PSMF1: variants seen among roughly 807,000 people sequenced by gnomAD.
PSMF1 encodes the protein proteasome inhibitor PI31 subunit.
A neutral mutation model predicts 29.3 loss-of-function variants in PSMF1; 30 were observed. That is an observed-to-expected ratio of 1.02 (90% CI 0.77 to 1.39). PSMF1 has a LOEUF of 1.39. Ranked by LOEUF, PSMF1 falls within the 40% of genes most tolerant of loss-of-function variation. The probability of loss-of-function intolerance (pLI) is 0.00; values close to 1 mark genes in which losing one functional copy is unlikely to be tolerated. For missense variants in PSMF1, 344 were observed against 357.5 expected, an observed-to-expected ratio of 0.96 and a Z score of 0.31; for synonymous variants, 134 against 139.7, an observed-to-expected ratio of 0.96 and a Z score of 0.29.
Position 1,127,472 on chromosome 20 carries a change from A to C in PSMF1, c.329A>C (p.Asp110Ala). Residue 110 changes from aspartate to alanine, a missense_variant, in exon 3 of 7, where the codon GAT (aspartate) becomes GCT (alanine). Transcript: ENST00000335877. ...QVADLTLNLD[D>A]YIDAEHLGDF... Reference sequence around the variant, plus strand: ...GCAGACTTGACCCTGAACTTGGATGATTATATCGATGCAGAACACCTGGGT... The same window carrying C: ...GCAGACTTGACCCTGAACTTGGATGCTTATATCGATGCAGAACACCTGGGT... 1.2e-6 allele frequency: 2 copies of C among 1,608,936 alleles called. No individual in the cohort carries two copies. Among genetic ancestry groups the C allele is most frequent in the African/African-American group, 2.7e-5 (2 of 74,960 alleles).
chr20:1,161,052 TCACA>T (rs1230432509), intron 4 of PSMF1: 5 of 434,308 alleles, frequency 1.2e-5, no homozygotes, highest in Non-Finnish European at 2.1e-5. Context: ...GGAGACGGAG[TCACA>T]CACACGGTGC....
In PSMF1 at chr20:1,170,421, A is replaced by G. The variant is rs1487929131; in HGVS notation, c.*5341A>G. On this transcript the variant is annotated 3_prime_UTR_variant, in exon 7 of 7. Coordinates refer to ENST00000335877, the MANE Select transcript of PSMF1 (RefSeq NM_006814.5). ...TGATTTTACCCCCAGTATCCACTCC[A>G]TTCCTTTGCCCCCATGGGTCACTTA... Among the ~76,000 whole-genome samples the G allele has an allele frequency of 6.6e-6, 1 of 152,184 alleles. No individual in the cohort carries two copies. Among genetic ancestry groups the G allele is most frequent in the Non-Finnish European group, 1.5e-5 (1 of 68,026 alleles).
intron 1 of PSMF1, among the ~76,000 whole-genome samples, chr20:1,119,819 G>A (rs2086062849): frequency 6.6e-6 from 1 of 152,130 alleles, no homozygotes; most frequent in South Asian, 2.1e-4. Context: ...CTCCATGCCT[G>A]CCCCTCACTG....
Position 1,164,540 on chromosome 20 carries a change from C to T in PSMF1, c.764+64C>T. On this transcript the variant is annotated intron_variant, in intron 6 of 6. Coordinates refer to ENST00000335877, the MANE Select transcript of PSMF1 (RefSeq NM_006814.5). This position sits in a 1 kb window ranked among gnomAD's most constrained non-coding sequence, Gnocchi z 4.1. ...ATGGCAGCTTGGTTCAGTGTGGCAG[C>T]AATGAAGGTTTCTAGCCCCAGGCAC... The T allele has an allele frequency of 6.3e-7, 1 of 1,586,446 alleles. No individual in the cohort carries two copies. The highest frequency in any genetic ancestry group is 8.6e-7 in the Non-Finnish European group (1 of 1,158,970).
At chr20:1,127,202 C>A in intron 2 of PSMF1, 2 of 701,412 alleles carry the variant, frequency 2.9e-6, no homozygotes, top group Admixed American at 4.0e-5. Context: ...TGCAAAAGAG[C>A]CTGGGAAGTA....
rs62186929 is a variant in PSMF1 at position 1,164,792 on chromosome 20, G to C, written c.765-237G>C. Among the ~76,000 whole-genome samples the C allele has an allele frequency of 0.032, 4,829 of 152,286 alleles. 115 individuals are homozygous for C. The highest frequency in any genetic ancestry group is 0.068 in the Middle Eastern group (20 of 294). ...TTTCTTCAGCAGTCTTGGGTAGATG[G>C]TGGCGTCTACATTTTATAGATGCAG... On this transcript the variant is annotated intron_variant, in intron 6 of 6. Transcript: ENST00000335877. The surrounding 1 kb of genome is among the most constrained non-coding windows in gnomAD (Gnocchi z 4.1).
In PSMF1 at chr20:1,163,484, C is replaced by T. The variant is rs1028344211; in HGVS notation, c.605+301C>T. Among the ~76,000 whole-genome samples, 17 of 152,274 alleles carry T rather than the reference C, an allele frequency of 1.1e-4. No homozygotes were observed. Among genetic ancestry groups the T allele is most frequent in the African/African-American group, 4.1e-4 (17 of 41,556 alleles). Reference sequence around the variant, plus strand: ...TGTATAGTGAGGAGCACATGGTGGGCCTTAGGGCAGCTCAGGGCTATTCAG... The same window carrying T: ...TGTATAGTGAGGAGCACATGGTGGGTCTTAGGGCAGCTCAGGGCTATTCAG... On this transcript the variant is annotated intron_variant, in intron 5 of 6. Coordinates refer to ENST00000335877, the MANE Select transcript of PSMF1 (RefSeq NM_006814.5). The surrounding 1 kb of genome is among the most constrained non-coding windows in gnomAD (Gnocchi z 6.1).
chr20:1,151,781 G>A (rs1048746719), intron 4 of PSMF1, among the ~76,000 whole-genome samples: 5 of 152,246 alleles, frequency 3.3e-5, no homozygotes. Context: ...TTTTCAGAGA[G>A]ATGATGCCTG....
intron 3 of PSMF1, among the ~76,000 whole-genome samples, chr20:1,133,107 G>A (rs1480068830): frequency 6.6e-6 from 1 of 150,604 alleles, no homozygotes; most frequent in African/African-American, 2.4e-5. Context: ...TGGTCAGGAT[G>A]TCCAATATTA....
In PSMF1 at chr20:1,165,685, C is replaced by A. The variant is rs2086720992; in HGVS notation, c.*605C>A. The A allele has an allele frequency of 3.0e-6, 3 of 999,036 alleles. No individual in the cohort carries two copies. In the South Asian group the frequency reaches 1.3e-4, roughly 44 times the overall value. 61.9% of individuals were successfully genotyped at this position (999,036 alleles called of 1,614,324 possible). ...TGAATGGAAATGAGTGACTGGAAAT[C>A]CCATAGGCCACAAGAATGACTTTCA... On this transcript the variant is annotated 3_prime_UTR_variant, in exon 7 of 7. Transcript: ENST00000335877.
intron 4 of PSMF1, among the ~76,000 whole-genome samples, chr20:1,146,815 A>G (rs1267274868): frequency 2.6e-5 from 4 of 152,142 alleles, no homozygotes; most frequent in Non-Finnish European, 5.9e-5. Flanking sequence ...AGCTGTGTCA[A>G]AGGTTTTGTA....
intron 4 of PSMF1, among the ~76,000 whole-genome samples, chr20:1,146,653 C>T (rs555289389): frequency 1.3e-5 from 2 of 152,258 alleles, no homozygotes; most frequent in Admixed American, 6.5e-5. Context: ...CCTCTCCCCC[C>T]ACGTCAAGGA....
Position 1,166,453 on chromosome 20 carries a change from G to C in PSMF1, c.*1373G>C. On this transcript the variant is annotated 3_prime_UTR_variant, in exon 7 of 7. Transcript: ENST00000335877. ...GTAAGCAAGCTACTGTAGCTCTTCT[G>C]AGGTATCTGCCAGGCTGTTTTCTGT... 3.2e-6 allele frequency: 2 copies of C among 634,890 alleles called. No homozygotes were observed. The highest frequency in any genetic ancestry group is 2.8e-6 in the Non-Finnish European group (1 of 359,424). 39.3% of individuals were successfully genotyped at this position (634,890 alleles called of 1,614,324 possible). A position where few individuals can be genotyped will look rare whatever the true frequency, so the allele number is the denominator to read the frequency against.
intron 1 of PSMF1, among the ~76,000 whole-genome samples, chr20:1,119,253 T>A (rs1374290136): frequency 6.6e-6 from 1 of 152,148 alleles, no homozygotes; most frequent in East Asian, 1.9e-4. Flanking sequence ...CTCACCCACC[T>A]GATCCCGTCT....
intron 4 of PSMF1, among the ~76,000 whole-genome samples, chr20:1,160,208 C>T (rs1413033599): frequency 1.3e-5 from 2 of 152,056 alleles, no homozygotes; most frequent in East Asian, 3.9e-4. Flanking sequence ...ACCCTGCATA[C>T]ACACGTTTTT....
At chr20:1,144,091 C>CA (rs202137351) in intron 4 of PSMF1, among the ~76,000 whole-genome samples, 9 of 150,048 alleles carry the variant, frequency 6.0e-5, no homozygotes, top group African/African-American at 1.5e-4. Flanking sequence ...CCGTCCCCCC[C>CA]AAAAAAAGAA....
At position 1,171,507 on chromosome 20, in the gene PSMF1, C is replaced by G. The variant is rs770437766; in HGVS notation, c.*6427C>G. ...AGTGACTTTCCCAAGGCCACACAGA[C>G]CACAAATCCTGGCTCCAAGTCCAGG... On this transcript the variant is annotated 3_prime_UTR_variant, in exon 7 of 7. Transcript: ENST00000335877. Among the ~76,000 whole-genome samples, 1 of 152,204 alleles carries G rather than the reference C, an allele frequency of 6.6e-6. No individual in the cohort carries two copies. Among genetic ancestry groups the G allele is most frequent in the Non-Finnish European group, 1.5e-5 (1 of 68,036 alleles).
At chr20:1,123,018 T>C (rs2086109427) in intron 1 of PSMF1, among the ~76,000 whole-genome samples, 2 of 152,232 alleles carry the variant, frequency 1.3e-5, no homozygotes, top group East Asian at 1.9e-4. Context: ...CACTAAACAC[T>C]AAACATATTC....
At position 1,163,102 on chromosome 20, in the gene PSMF1, T is replaced by G; in HGVS notation, c.552-28T>G. 6.2e-7 allele frequency: 1 copy of G among 1,613,714 alleles called. No homozygotes were observed. Among genetic ancestry groups the G allele is most frequent in the Non-Finnish European group, 8.5e-7 (1 of 1,179,752 alleles). On this transcript the variant is annotated intron_variant, in intron 4 of 6. Coordinates refer to ENST00000335877, the MANE Select transcript of PSMF1 (RefSeq NM_006814.5). The surrounding 1 kb of genome is among the most constrained non-coding windows in gnomAD (Gnocchi z 6.1). ...TCAGGTGCCTGGCTGCTCTGGGACT[T>G]GCAGTAATTGTCTCTTGTTTGTTTC...
Sources: allele counts gnomAD v4.1 joint callset (sites outside exome capture counted in the v4.1 genomes callset), GRCh38; gene constraint gnomAD v4.1.1; non-coding constraint Gnocchi (gnomAD v3.1); transcripts MANE v1.5; gene names NCBI Gene and HGNC (gene_info 2026-07-23, HGNC 2026-07-21).